KLKB1: variants seen among roughly 807,000 people sequenced by gnomAD.
KLKB1 encodes plasma kallikrein.
A neutral mutation model predicts 73.6 loss-of-function variants in KLKB1; 58 were observed. That is an observed-to-expected ratio of 0.79 (90% CI 0.64 to 0.98). The LOEUF (loss-of-function observed/expected upper bound fraction) is 0.98. KLKB1 is among the 50% of genes least tolerant of loss of function. The pLI is 0.00. For missense variants in KLKB1, 737 were observed against 763.8 expected (o/e 0.96, Z 0.41); for synonymous variants, 280 against 258.1 (o/e 1.08, Z -0.81).
chr4:186,231,230 T>C (rs1379524136), intron 2 of KLKB1, among the ~76,000 whole-genome samples: 1 of 152,236 alleles, frequency 6.6e-6, no homozygotes, highest in Non-Finnish European at 1.5e-5. Context: ...CAGGTTGTCA[T>C]TGGAATAGCC....
intron 2 of KLKB1, among the ~76,000 whole-genome samples, chr4:186,231,685 A>G (rs1311464774): frequency 6.6e-6 from 1 of 152,240 alleles, no homozygotes; most frequent in African/African-American, 2.4e-5. Flanking sequence ...TTTAAAAAAC[A>G]TAGTCCAGAT....
chr4:186,218,811 T>G lies in KLKB1; in HGVS notation c.201+9539T>G, dbSNP rs902370205. On this transcript the variant is annotated intron_variant, in intron 2 of 14. Coordinates refer to the KLKB1 transcript ENST00000511608. ...GATGTACATATAAAGGGGAGTTTAT[T>G]AAAGAGTATTGACTCACACGATCAC... Among the ~76,000 whole-genome samples, 3 of 152,150 alleles carry G rather than the reference T, an allele frequency of 2.0e-5. No individual in the cohort carries two copies. The South Asian group carries it at 6.2e-4, about 32-fold the overall frequency.
chr4:186,212,058 T>A lies in KLKB1; in HGVS notation c.201+2786T>A, dbSNP rs886059292. On this transcript the variant is annotated intron_variant, in intron 2 of 14. Coordinates refer to the KLKB1 transcript ENST00000511608. ...TATCTAGTTATGCTCCTTTATATTA[T>A]AAGTAAGGGAATAGAATCAATAAGA... 1 of 152,144 alleles carries A rather than the reference T, an allele frequency of 6.6e-6. No homozygotes were observed. The highest frequency in any genetic ancestry group is 1.5e-5 in the Non-Finnish European group (1 of 68,038). 9.4% of individuals were successfully genotyped at this position (152,144 alleles called of 1,614,324 possible).
intron 13 of KLKB1, among the ~76,000 whole-genome samples, chr4:186,256,699 C>T (rs1421088697): frequency 1.3e-5 from 2 of 152,078 alleles, no homozygotes; most frequent in Admixed American, 6.6e-5. Flanking sequence ...AAACAAAAGA[C>T]CCCTCTGTTG....
intron 6 of KLKB1, 49 bp downstream of exon 6, chr4:186,238,414 G>GC: frequency 7.7e-7 from 1 of 1,294,268 alleles, no homozygotes. Flanking sequence ...TGGAATAGGA[G>GC]CCCCCAGAGA....
chr4:186,230,533 A>T (rs1293000791), intron 2 of KLKB1, among the ~76,000 whole-genome samples: 2 of 152,246 alleles, frequency 1.3e-5, no homozygotes, highest in Non-Finnish European at 2.9e-5. Context: ...ATAGTACTTT[A>T]CATAGGCTCC....
At chr4:186,248,595 ATTTTT>A (rs138717531) in intron 6 of KLKB1, among the ~76,000 whole-genome samples, 2 of 114,918 alleles carry the variant, frequency 1.7e-5, no homozygotes, top group East Asian at 2.7e-4. Context: ...TTGTTTCTGG[ATTTTT>A]TTTTTTTTTT....
chr4:186,251,326 C>T lies in KLKB1; in HGVS notation c.866C>T (p.Pro289Leu), dbSNP rs1166004692. The change falls in exon 8 of 15, where the codon CCT becomes CTT. Residue 289 changes from proline to leucine, a missense_variant and splice_region_variant. Coordinates refer to ENST00000264690, the MANE Select transcript of KLKB1 (RefSeq NM_000892.5). ...CTTTTAACCTGCAAAAGAACTTTAC[C>T]TGGTAATGTGATTTGATAATAATAT... Reference protein sequence around the residue: ...YSLLTCKRTLPEPCHSKIYPG... With the variant: ...YSLLTCKRTLLEPCHSKIYPG... The T allele has an allele frequency of 1.9e-6, 3 of 1,585,282 alleles. No homozygotes were observed. Among genetic ancestry groups the T allele is most frequent in the Non-Finnish European group, 2.6e-6 (3 of 1,153,996 alleles).
chr4:186,254,555 A>T, intron 11 of KLKB1, 33 bp from the exon 12 acceptor site: 1 of 1,573,032 alleles, frequency 6.4e-7, no homozygotes. Context: ...AGGACTGCCC[A>T]GTTTCAAACA....
intron 4 of KLKB1, among the ~76,000 whole-genome samples, chr4:186,235,594 G>A (rs963195918): frequency 6.6e-6 from 1 of 152,052 alleles, no homozygotes; most frequent in Non-Finnish European, 1.5e-5. Flanking sequence ...CCAACTCATC[G>A]TACTGTCATA....
chr4:186,244,231 C>A (rs1738206712), intron 6 of KLKB1, among the ~76,000 whole-genome samples: 1 of 151,582 alleles, frequency 6.6e-6, no homozygotes, highest in Admixed American at 6.6e-5. Context: ...GGTCAGCTAG[C>A]TTTGCTTTTG....
Position 186,245,824 on chromosome 4 carries a change from G to GTTTTTTTTTTTTTTTTTT in KLKB1, c.599-4407_599-4406insTTTTTTTTTTTTTTTTTT, listed in dbSNP as rs1402408736. Among the ~76,000 whole-genome samples, 22 of 110,024 alleles carry GTTTTTTTTTTTTTTTTTT rather than the reference G, an allele frequency of 2.0e-4. 2 individuals are homozygous for GTTTTTTTTTTTTTTTTTT. The highest frequency in any genetic ancestry group is 2.8e-4 in the Non-Finnish European group (14 of 50,822). 72.2% of individuals were successfully genotyped at this position (110,024 alleles called of 152,430 possible). ...GGAGTTTTTTTTTGTTTGTTTTTTG[G>GTTTTTTTTTTTTTTTTTT]TTTTTTTTTTTTAATGTCAGGAGCT... On this transcript the variant is annotated intron_variant, in intron 6 of 14. Transcript: ENST00000264690.
intron 6 of KLKB1, among the ~76,000 whole-genome samples, chr4:186,240,556 G>T (rs1430408507): frequency 6.6e-6 from 1 of 152,190 alleles, no homozygotes; most frequent in Non-Finnish European, 1.5e-5. Context: ...CATTTAGCAT[G>T]TCAGGATGTT....
At chr4:186,233,678 G>A (rs1326783338) in intron 3 of KLKB1, among the ~76,000 whole-genome samples, 1 of 152,178 alleles carries the variant, frequency 6.6e-6, no homozygotes, top group East Asian at 1.9e-4. Context: ...ATAGTTGCCT[G>A]AAAGTTTAAG....
chr4:186,231,494 G>A (rs1737397438), intron 2 of KLKB1, among the ~76,000 whole-genome samples: 1 of 152,206 alleles, frequency 6.6e-6, no homozygotes, highest in Admixed American at 6.5e-5. Context: ...TCTTAAAAAT[G>A]AGTAAAAAAT....
Position 186,251,590 on chromosome 4 carries a change from G to T in KLKB1, c.972G>T (p.Lys324Asn). Residue 324 changes from lysine (K) to asparagine (N), a missense_variant, in exon 9 of 15, where the codon AAG (lysine) becomes AAT (asparagine). Coordinates refer to ENST00000264690, the MANE Select transcript of KLKB1 (RefSeq NM_000892.5). ...GVNVCQETCT[K>N]MIRCQFFTYS... is the part of the protein sequence containing the mutation. The stretch of plus-strand genomic sequence containing the variant: ...ATGTTTGCCAAGAGACTTGCACAAA[G>T]ATGATTCGCTGTCAGTTTTTCACTT... 6.2e-7 allele frequency: 1 copy of T among 1,614,144 alleles called. No individual in the cohort carries two copies. Among genetic ancestry groups the T allele is most frequent in the Non-Finnish European group, 8.5e-7 (1 of 1,179,986 alleles).
At chr4:186,231,070 C>G (rs1737379879) in intron 2 of KLKB1, among the ~76,000 whole-genome samples, 3 of 152,092 alleles carry the variant, frequency 2.0e-5, no homozygotes, top group Admixed American at 2.0e-4. Context: ...GGGCTCAGGG[C>G]CAAATCCCCA....
intron 6 of KLKB1, among the ~76,000 whole-genome samples, chr4:186,248,445 T>A (rs1476719798): frequency 2.0e-5 from 3 of 152,132 alleles, no homozygotes; most frequent in African/African-American, 7.2e-5. Context: ...TGCATCTGGC[T>A]TTTTTCACCT....
intron 6 of KLKB1, among the ~76,000 whole-genome samples, chr4:186,249,692 CA>C (rs1486756630): frequency 6.6e-6 from 1 of 152,064 alleles, no homozygotes; most frequent in Non-Finnish European, 1.5e-5. Context: ...ATCTGTAGAC[CA>C]ATGAGTATCA....
Sources: gnomAD v4.1 joint callset for allele counts (sites outside exome capture counted in the v4.1 genomes callset) on GRCh38, gnomAD v4.1.1 for gene constraint, MANE v1.5 for transcripts, NCBI Gene and HGNC (gene_info 2026-07-23, HGNC 2026-07-21) for gene names.